Variants in KLHL29 observed in about 807,000 individuals in gnomAD.
The protein encoded by KLHL29 is kelch-like protein 29.
KLHL29 carries 21 observed loss-of-function variants against 80.4 expected under a neutral mutation model. The ratio of observed to expected loss-of-function variants is 0.26; its 90% CI spans 0.19 to 0.38. The LOEUF (loss-of-function observed/expected upper bound fraction) is 0.38. Among genes scored for constraint, KLHL29 ranks in the 10% least tolerant of loss-of-function variants. The pLI is 1.00. For synonymous variants in KLHL29, 511 were observed against 526.8 expected (o/e 0.97, Z 0.41); for missense variants, 867 against 1,223.9 (o/e 0.71, Z 4.35).
chr2:23,440,567 A>G lies in KLHL29; in HGVS notation c.-153-34993A>G, dbSNP rs562049251. On this transcript the variant is annotated intron_variant, in intron 1 of 13. Coordinates refer to ENST00000486442, the MANE Select transcript of KLHL29 (RefSeq NM_052920.2). Reference sequence around the variant, plus strand: ...ACCTACAAAATGGGAGAAAATTTTCACAACCTACTCATCTGACAAAGGGCT... The same window carrying G: ...ACCTACAAAATGGGAGAAAATTTTCGCAACCTACTCATCTGACAAAGGGCT... Among the ~76,000 whole-genome samples the G allele has an allele frequency of 1.2e-4, 19 of 152,258 alleles. No homozygotes were observed. In the South Asian group the frequency reaches 4.0e-3, roughly 32 times the overall value.
intron 2 of KLHL29, among the ~76,000 whole-genome samples, chr2:23,535,110 A>T (rs1283674642): frequency 6.6e-6 from 1 of 152,214 alleles, no homozygotes; most frequent in Admixed American, 6.5e-5. Context: ...AAATTAGTTA[A>T]TTTTTTTAAA....
Position 23,700,051 on chromosome 2 carries a change from G to A in KLHL29, c.2106-3135G>A, listed in dbSNP as rs542679454. On this transcript the variant is annotated intron_variant, in intron 11 of 13. Transcript: ENST00000486442. This position sits in a 1 kb window ranked among gnomAD's most constrained non-coding sequence, Gnocchi z 4.6. ...TTGACTTCCTCTCTCCTGTGCAAAT[G>A]GACTCCACGTTCCCTCTGCACTTTG... 2.0e-5 allele frequency among the ~76,000 whole-genome samples: 3 copies of A among 152,214 alleles called. No homozygotes were observed. Among genetic ancestry groups the A allele is most frequent in the African/African-American group, 7.2e-5 (3 of 41,534 alleles).
intron 3 of KLHL29, among the ~76,000 whole-genome samples, chr2:23,563,257 G>A (rs182772296): frequency 6.6e-5 from 10 of 152,380 alleles, no homozygotes; most frequent in Non-Finnish European, 1.0e-4. Context: ...TTGGCCTTGG[G>A]CTGAGCTCGT....
At chr2:23,506,987 A>G (rs1471082966) in intron 2 of KLHL29, 1 of 257,174 alleles carries the variant, frequency 3.9e-6, no homozygotes, top group African/African-American at 2.3e-5. Context: ...AGAACCTTCC[A>G]CACTCAGAGC....
chr2:23,661,401 T>C (rs1670403448), intron 5 of KLHL29, among the ~76,000 whole-genome samples: 1 of 148,256 alleles, frequency 6.7e-6, no homozygotes, highest in African/African-American at 2.5e-5. Flanking sequence ...CCTCAGAAGG[T>C]CCCAGGCTCC....
intron 5 of KLHL29, among the ~76,000 whole-genome samples, chr2:23,683,693 C>A (rs942408736): frequency 6.6e-6 from 1 of 152,206 alleles, no homozygotes; most frequent in Admixed American, 6.5e-5. Flanking sequence ...AAAGCAGGCT[C>A]TGCCCCATGT....
intron 2 of KLHL29, among the ~76,000 whole-genome samples, chr2:23,550,301 G>C (rs1303071064): frequency 6.6e-6 from 1 of 152,154 alleles, no homozygotes; most frequent in Non-Finnish European, 1.5e-5. Context: ...GACTCATGGA[G>C]TGGAGCGCCA....
chr2:23,555,297 C>T (rs150107708), intron 2 of KLHL29, among the ~76,000 whole-genome samples: 1 of 152,170 alleles, frequency 6.6e-6, no homozygotes, highest in Non-Finnish European at 1.5e-5. Context: ...CTGCCCAGTT[C>T]CTGTTGAGAC....
At chr2:23,442,200 C>T (rs1663546833) in intron 1 of KLHL29, among the ~76,000 whole-genome samples, 1 of 152,124 alleles carries the variant, frequency 6.6e-6, no homozygotes, top group Admixed American at 6.5e-5. Flanking sequence ...AAGCAATCCT[C>T]CCACCTCAGC....
At position 23,562,441 on chromosome 2, in the gene KLHL29, C is replaced by T. The variant is rs1453297060; in HGVS notation, c.245C>T (p.Thr82Ile). The change falls in exon 3 of 14, where the codon ACC (threonine) becomes ATC (isoleucine). Residue 82 changes from threonine to isoleucine, a missense_variant. Transcript: ENST00000486442. The surrounding 1 kb of genome is among the most constrained non-coding windows in gnomAD (Gnocchi z 4.5). ...ACCACCGGCAGCAGCGAGGCCATCACCAGCCTCGTGGCCAGCTCTGCGTCT... is the reference window on the plus strand; with the variant it reads ...ACCACCGGCAGCAGCGAGGCCATCATCAGCCTCGTGGCCAGCTCTGCGTCT... ...PCTTGSSEAITSLVASSASAV... is the reference protein window; with the variant it reads ...PCTTGSSEAIISLVASSASAV... 1 of 1,536,850 alleles carries T rather than the reference C, an allele frequency of 6.5e-7. No homozygotes were observed. Among genetic ancestry groups the T allele is most frequent in the Non-Finnish European group, 8.7e-7 (1 of 1,146,782 alleles).
chr2:23,703,795 C>G lies in KLHL29; in HGVS notation c.2376C>G (p.Thr792=). The part of the protein sequence containing the change: ...ILGGAYARAT[T]IYDPEKGNIK... ...GCGGGGCTTATGCCAGAGCTACCACCATCTACGACCCTGAGAAAGGAAACA... is the reference window on the plus strand; with the variant it reads ...GCGGGGCTTATGCCAGAGCTACCACGATCTACGACCCTGAGAAAGGAAACA... The change falls in exon 13 of 14, where the codon ACC becomes ACG. Residue 792 remains threonine, a synonymous_variant. Transcript: ENST00000486442. 1 of 1,537,470 alleles carries G rather than the reference C, an allele frequency of 6.5e-7. No homozygotes were observed. The highest frequency in any genetic ancestry group is 8.7e-7 in the Non-Finnish European group (1 of 1,146,960).
intron 2 of KLHL29, among the ~76,000 whole-genome samples, chr2:23,479,788 G>A (rs1385592309): frequency 2.0e-5 from 3 of 152,122 alleles, no homozygotes; most frequent in Admixed American, 6.5e-5. Flanking sequence ...CTTCTCCTTT[G>A]CCTTAGGCTG....
intron 3 of KLHL29, among the ~76,000 whole-genome samples, chr2:23,588,832 G>A (rs916971938): frequency 3.3e-5 from 5 of 152,164 alleles, no homozygotes; most frequent in Non-Finnish European, 7.3e-5. Flanking sequence ...CCAGCCCCCG[G>A]AAGACAAGTC....
chr2:23,687,049 T>A (rs1270321598), intron 6 of KLHL29, among the ~76,000 whole-genome samples: 3 of 152,026 alleles, frequency 2.0e-5, no homozygotes, highest in African/African-American at 7.2e-5. Context: ...GTCTTTTCAG[T>A]CCCCTTGGCA....
At chr2:23,554,616 T>C (rs1667236469) in intron 2 of KLHL29, among the ~76,000 whole-genome samples, 1 of 152,176 alleles carries the variant, frequency 6.6e-6, no homozygotes, top group Non-Finnish European at 1.5e-5. Flanking sequence ...GCCAGAATAC[T>C]GTGTGTCACC....
rs578117424 is a variant in KLHL29 at position 23,405,201 on chromosome 2, AC to A, written c.-154+19423del. Among the ~76,000 whole-genome samples the A allele has an allele frequency of 5.7e-3, 862 of 152,372 alleles. 7 individuals carry two copies. Among genetic ancestry groups the A allele is most frequent in the African/African-American group, 0.02 (811 of 41,586 alleles). On this transcript the variant is annotated intron_variant, in intron 1 of 13. Transcript: ENST00000486442. ...AATATTCTAATTTTGTTCAATCCAT[AC>A]CAATATTGTTTGGATTATAAAGGTA... is the stretch of plus-strand genomic sequence containing the variant.
chr2:23,507,827 G>A (rs1384894642), intron 2 of KLHL29, among the ~76,000 whole-genome samples: 3 of 152,174 alleles, frequency 2.0e-5, no homozygotes, highest in East Asian at 3.8e-4. Context: ...TGAGTGAGAG[G>A]TTGGGCTAAA....
At chr2:23,534,187 CA>C (rs1213804106) in intron 2 of KLHL29, among the ~76,000 whole-genome samples, 2 of 152,184 alleles carry the variant, frequency 1.3e-5, no homozygotes, top group African/African-American at 4.8e-5. Flanking sequence ...GGCTTCAGAT[CA>C]TGAGACCTGG....
intron 2 of KLHL29, among the ~76,000 whole-genome samples, chr2:23,512,338 G>C (rs1305569841): frequency 1.3e-5 from 2 of 151,982 alleles, no homozygotes; most frequent in African/African-American, 4.8e-5. Flanking sequence ...CCAGCTACTT[G>C]GGAGGCTGAG....
Sources: gnomAD v4.1 joint callset for allele counts (sites outside exome capture counted in the v4.1 genomes callset) on GRCh38, gnomAD v4.1.1 for gene constraint, Gnocchi (gnomAD v3.1) non-coding constraint, MANE v1.5 for transcripts, NCBI Gene and HGNC (gene_info 2026-07-23, HGNC 2026-07-21) for gene names.